Variants in ABCC4 observed in about 807,000 individuals in gnomAD.
The protein encoded by ABCC4 is ATP binding cassette subfamily C member 4 (PEL blood group).
In ABCC4, 102 loss-of-function variants were observed where a neutral mutation model predicts 168.5. The ratio of observed to expected loss-of-function variants is 0.61; its 90% CI spans 0.52 to 0.71. ABCC4 has a LOEUF of 0.71. Ranked by LOEUF, ABCC4 falls within the 30% of genes least tolerant of loss-of-function variation. The probability of loss-of-function intolerance (pLI) is 0.00; values close to 1 mark genes in which losing one functional copy is unlikely to be tolerated. For synonymous variants in ABCC4, 617 were observed against 590.7 expected, an observed-to-expected ratio of 1.04 and a Z score of -0.65; for missense variants, 1,402 against 1,605.8, an observed-to-expected ratio of 0.87 and a Z score of 2.17.
chr13:95,287,652 C>A (rs2041293595), intron 1 of ABCC4, among the ~76,000 whole-genome samples: 1 of 151,830 alleles, frequency 6.6e-6, no homozygotes, highest in Non-Finnish European at 1.5e-5. Context: ...TTGGGAGGAT[C>A]AGGAAGGAGG....
intron 4 of ABCC4, among the ~76,000 whole-genome samples, chr13:95,232,407 G>A (rs182354976): frequency 1.3e-4 from 20 of 152,186 alleles, no homozygotes; most frequent in South Asian, 4.1e-4. Flanking sequence ...GGCTGGGTGC[G>A]GTGGCTCCCA....
intron 20 of ABCC4, among the ~76,000 whole-genome samples, chr13:95,094,293 T>C (rs986172617): frequency 5.3e-5 from 8 of 152,110 alleles, no homozygotes; most frequent in Non-Finnish European, 4.4e-5. Flanking sequence ...TATAAGGCCA[T>C]AGTCACCAAA....
chr13:95,057,590 A>G (rs1046021615), intron 26 of ABCC4, among the ~76,000 whole-genome samples: 1 of 152,200 alleles, frequency 6.6e-6, no homozygotes, highest in African/African-American at 2.4e-5. Context: ...TATGTATGTC[A>G]TCATTTCTGT....
chr13:95,073,545 A>G, intron 23 of ABCC4: 1 of 328,466 alleles, frequency 3.0e-6, no homozygotes, highest in Non-Finnish European at 5.5e-6. Flanking sequence ...CATAGATTTA[A>G]TTAACAGTAT....
intron 4 of ABCC4, among the ~76,000 whole-genome samples, chr13:95,216,626 A>C (rs200106547): frequency 0.028 from 4,270 of 150,092 alleles, 109 homozygotes; most frequent in East Asian, 0.1. Context: ...AAAAAAAAAA[A>C]AAAAAACCAG....
At chr13:95,175,467 C>A (rs2037644120) in intron 13 of ABCC4, among the ~76,000 whole-genome samples, 8 of 152,116 alleles carry the variant, frequency 5.3e-5, no homozygotes, top group Admixed American at 5.2e-4. Flanking sequence ...CACCCGCCAC[C>A]ATCCACCACT....
intron 1 of ABCC4, among the ~76,000 whole-genome samples, chr13:95,300,175 T>C (rs572970330): frequency 1.3e-5 from 2 of 152,232 alleles, no homozygotes; most frequent in Non-Finnish European, 2.9e-5. Context: ...CACCCGAGTC[T>C]TTCTCCGTTT....
chr13:95,134,405 A>G (rs934248393), intron 19 of ABCC4, among the ~76,000 whole-genome samples: 16 of 152,284 alleles, frequency 1.1e-4, no homozygotes, highest in Admixed American at 2.6e-4. Context: ...AATGCTGCAG[A>G]CTATTCTAGA....
intron 30 of ABCC4, among the ~76,000 whole-genome samples, chr13:95,030,037 T>C (rs2031797486): frequency 8.1e-6 from 1 of 123,880 alleles, no homozygotes; most frequent in Non-Finnish European, 1.8e-5. Context: ...CCATATTTTT[T>C]TGAGACGGAG....
At chr13:95,238,056 A>G (rs1186207339) in intron 3 of ABCC4, among the ~76,000 whole-genome samples, 1 of 151,750 alleles carries the variant, frequency 6.6e-6, no homozygotes, top group Non-Finnish European at 1.5e-5. Context: ...TTAGCTGGGT[A>G]TGGTGGCTCG....
intron 11 of ABCC4, among the ~76,000 whole-genome samples, chr13:95,183,038 T>G (rs563016395): frequency 1.3e-5 from 2 of 151,980 alleles, no homozygotes; most frequent in South Asian, 4.2e-4. Context: ...TCAACATATC[T>G]GAGAAATCTT....
At chr13:95,036,775 T>G (rs2032139422) in intron 29 of ABCC4, among the ~76,000 whole-genome samples, 1 of 152,110 alleles carries the variant, frequency 6.6e-6, no homozygotes, top group South Asian at 2.1e-4. Flanking sequence ...TTTAATATTT[T>G]TTTGATATGC....
chr13:95,148,494 A>T (rs552428245), intron 19 of ABCC4, among the ~76,000 whole-genome samples: 21 of 152,104 alleles, frequency 1.4e-4, no homozygotes, highest in Non-Finnish European at 2.1e-4. Context: ...CAAATTTTAA[A>T]TTTCACATAT....
chr13:95,025,519 C>T (rs1186728323), intron 30 of ABCC4, among the ~76,000 whole-genome samples: 1 of 72,544 alleles, frequency 1.4e-5, no homozygotes, highest in Admixed American at 1.6e-4. Context: ...CCCCACCACA[C>T]ACGCAGCCTC....
chr13:95,046,899 T>C (rs557790386), intron 27 of ABCC4, among the ~76,000 whole-genome samples: 11 of 152,222 alleles, frequency 7.2e-5, no homozygotes, highest in East Asian at 3.9e-4. Context: ...ACTGGGGAAA[T>C]TGAAAATATA....
intron 25 of ABCC4, among the ~76,000 whole-genome samples, chr13:95,064,029 T>C (rs1259913876): frequency 6.6e-6 from 1 of 152,142 alleles, no homozygotes; most frequent in Non-Finnish European, 1.5e-5. Context: ...ATGTGACATA[T>C]TACCTCATTT....
At position 95,098,710 on chromosome 13, in the gene ABCC4, C is replaced by T. The variant is rs11839122; in HGVS notation, c.2536-15420G>A. Reference sequence around the variant, plus strand: ...AAAATCAACAAGATTTTTAAAAACACGTTTTAAAAAGCTGGCAGGAGATCT... The same window carrying T: ...AAAATCAACAAGATTTTTAAAAACATGTTTTAAAAAGCTGGCAGGAGATCT... On this transcript the variant is annotated intron_variant, in intron 20 of 30. Coordinates refer to ENST00000645237, the MANE Select transcript of ABCC4 (RefSeq NM_005845.5). Among the ~76,000 whole-genome samples the T allele has an allele frequency of 6.2e-3, 936 of 152,166 alleles. 11 individuals are homozygous for T. The highest frequency in any genetic ancestry group is 0.021 in the African/African-American group (860 of 41,520).
chr13:95,063,521 GTAA>G (rs1323464421), intron 25 of ABCC4, among the ~76,000 whole-genome samples: 10 of 152,292 alleles, frequency 6.6e-5, no homozygotes, highest in African/African-American at 2.4e-4. Flanking sequence ...AAAGACAGTA[GTAA>G]CCAGTAGCCA....
intron 3 of ABCC4, among the ~76,000 whole-genome samples, chr13:95,242,629 C>A (rs2138788088): frequency 6.6e-6 from 1 of 152,294 alleles, no homozygotes; most frequent in East Asian, 1.9e-4. Context: ...CTCAAATAAT[C>A]ATCCCTTGGC....
Sources: allele counts gnomAD v4.1 joint callset (sites outside exome capture counted in the v4.1 genomes callset), GRCh38; gene constraint gnomAD v4.1.1; transcripts MANE v1.5; gene names NCBI Gene and HGNC (gene_info 2026-07-23, HGNC 2026-07-21).